The following APBB1 variants were observed in gnomAD, a reference collection of about 807,000 sequenced individuals.
APBB1 encodes amyloid beta precursor protein binding family B member 1.
A neutral mutation model predicts 78.4 loss-of-function variants in APBB1; 22 were observed. The ratio of observed to expected loss-of-function variants is 0.28; its 90% CI spans 0.20 to 0.40. The LOEUF is 0.40. Ranked by LOEUF, APBB1 falls within the 10% of genes least tolerant of loss-of-function variation. The pLI, the probability that APBB1 is intolerant of heterozygous loss-of-function variation, is 1.00. For missense variants in APBB1, 749 were observed against 932.4 expected (o/e 0.80, Z 2.56); for synonymous variants, 369 against 372.7 (o/e 0.99, Z 0.12).
chr11:6,401,407 G>C lies in APBB1; in HGVS notation c.1526C>G (p.Ala509Gly). The C allele has an allele frequency of 6.2e-7, 1 of 1,614,082 alleles. No individual in the cohort carries two copies. The highest frequency in any genetic ancestry group is 8.5e-7 in the Non-Finnish European group (1 of 1,180,002). ...GGAGAGTCCATTTACCAAGCAGCGG[G>C]CATTACGCCGTTCGGCCATGATCTG... ...CSKIMAERRN[A>G]RCLVNGLSLD... is the part of the protein sequence containing the mutation. Residue 509 changes from alanine to glycine, a missense_variant, in exon 11 of 15, where the codon GCC becomes GGC. By Grantham distance (60) the Ala-to-Gly change is moderately conservative. Around this residue, in one of 3 missense-constraint regions of APBB1, gnomAD observed 635 missense variants for 765.0 expected, o/e 0.83. Coordinates refer to ENST00000609360, the MANE Select transcript of APBB1 (RefSeq NM_001164.5). The surrounding 1 kb of genome is among the most constrained non-coding windows in gnomAD (Gnocchi z 4.5).
At chr11:6,402,837 TC>T in intron 6 of APBB1, 112 bp from the exon 7 acceptor site, 1 of 1,355,468 alleles carries the variant, frequency 7.4e-7, no homozygotes, top group Non-Finnish European at 1.0e-6. Flanking sequence ...ACGGAGAAGC[TC>T]CCCAAACAGG....
At chr11:6,410,004 T>TG (rs372558946) in intron 2 of APBB1, among the ~76,000 whole-genome samples, 6 of 150,942 alleles carry the variant, frequency 4.0e-5, no homozygotes, top group African/African-American at 1.5e-4. Context: ...CAGACCTCTG[T>TG]GGGGAGCTGC....
chr11:6,399,105 T>C (rs528050916), intron 12 of APBB1, among the ~76,000 whole-genome samples: 15 of 152,340 alleles, frequency 9.8e-5, no homozygotes, highest in Admixed American at 7.8e-4. Context: ...CCTCTACACA[T>C]CCATTGAATG....
rs751725634 is a variant in APBB1 at position 6,411,101 on chromosome 11, C to T, written c.247G>A (p.Ala83Thr). Residue 83 changes from alanine to threonine, a missense_variant, in exon 2 of 15, where the codon GCC (alanine) becomes ACC (threonine). Around this residue, in one of 3 missense-constraint regions of APBB1, gnomAD observed 635 missense variants for 765.0 expected, o/e 0.83. Coordinates refer to ENST00000609360, the MANE Select transcript of APBB1 (RefSeq NM_001164.5). This position sits in a 1 kb window ranked among gnomAD's most constrained non-coding sequence, Gnocchi z 5.2. ...GQNQLRRAAT[A>T]HRDQNRNVTL... is the part of the protein sequence containing the mutation. ...ACATTGCGATTCTGGTCACGGTGGG[C>T]CGTGGCGGCCCGCCGGAGCTGGTTC... 1.3e-5 allele frequency: 21 copies of T among 1,612,512 alleles called. No homozygotes were observed. The highest frequency in any genetic ancestry group is 1.6e-4 in the Middle Eastern group (1 of 6,084).
At chr11:6,400,144 C>T (rs1260227321) in intron 12 of APBB1, among the ~76,000 whole-genome samples, 1 of 152,162 alleles carries the variant, frequency 6.6e-6, no homozygotes, top group East Asian at 1.9e-4. Context: ...ACTGTTCTCC[C>T]TGTGCCTAGT....
At chr11:6,404,057 C>A (rs564759744) in intron 2 of APBB1, 22 of 450,190 alleles carry the variant, frequency 4.9e-5, no homozygotes, top group African/African-American at 3.9e-4. Flanking sequence ...AATGTGGCCA[C>A]ACTGTGGAAA....
chr11:6,412,104 C>A (rs1014470471), intron 1 of APBB1, among the ~76,000 whole-genome samples: 2 of 152,184 alleles, frequency 1.3e-5, no homozygotes, highest in Non-Finnish European at 2.9e-5. Flanking sequence ...GGGAGCCTTT[C>A]CCCTGGGCCC....
Position 6,411,287 on chromosome 11 carries a change from CG to C in APBB1, c.60del (p.Ala21HisfsTer2). 6.3e-7 allele frequency: 1 copy of C among 1,577,060 alleles called. No homozygotes were observed. ...SAINANSHGG[P>X]ALSLPLPLHA... ...TGCAGAGGCAGGGGTAGGCTCAGTG[CG>C]GGGCCTCCGTGGCTGTTGGCATTAA... On this transcript the variant is annotated frameshift_variant, in exon 2 of 15. Transcript: ENST00000609360. LOFTEE classifies it high-confidence loss of function. This position sits in a 1 kb window ranked among gnomAD's most constrained non-coding sequence, Gnocchi z 5.2.
At chr11:6,396,338 A>G in intron 12 of APBB1, 123 bp from the exon 13 acceptor site, 2 of 778,374 alleles carry the variant, frequency 2.6e-6, no homozygotes, top group Non-Finnish European at 4.1e-6. Flanking sequence ...TTGCCAGCCT[A>G]CATTTTGGAC....
rs776147209 is a variant in APBB1, at chr11:6,401,790, G to A, written c.1389-102C>T. 1.8e-5 allele frequency: 26 copies of A among 1,480,150 alleles called. No homozygotes were observed. In the East Asian group the frequency reaches 4.6e-4, roughly 26 times the overall value. The allele number at this position is 1,480,150 out of a possible 1,614,324, so 91.7% of individuals were successfully genotyped here. A position where few individuals can be genotyped will look rare whatever the true frequency, so the allele number is the denominator to read the frequency against. ...CCCTGCCCATCACAGCTCCTCCAGGGCTTCTGCCCACAGCTGGTCCCCCAT... is the reference window on the plus strand; with the variant it reads ...CCCTGCCCATCACAGCTCCTCCAGGACTTCTGCCCACAGCTGGTCCCCCAT... On this transcript the variant is annotated intron_variant, in intron 9 of 14. Coordinates refer to ENST00000609360, the MANE Select transcript of APBB1 (RefSeq NM_001164.5). The surrounding 1 kb of genome is among the most constrained non-coding windows in gnomAD (Gnocchi z 4.5).
chr11:6,408,547 C>A (rs1848880079), intron 2 of APBB1, among the ~76,000 whole-genome samples: 2 of 151,598 alleles, frequency 1.3e-5, no homozygotes, highest in Non-Finnish European at 2.9e-5. Context: ...TCTTATTGCC[C>A]AGGCTGGAGT....
chr11:6,410,310 T>A (rs1243819950), intron 2 of APBB1, among the ~76,000 whole-genome samples: 1 of 152,186 alleles, frequency 6.6e-6, no homozygotes, highest in East Asian at 1.9e-4. Flanking sequence ...AATATTTACC[T>A]CACAGCTTTA....
chr11:6,402,049 C>T, intron 8 of APBB1, 33 bp downstream of exon 8: 5 of 1,611,100 alleles, frequency 3.1e-6, no homozygotes, highest in Non-Finnish European at 4.2e-6. Context: ...GCTGGATGAA[C>T]TCCCACCCTC....
intron 12 of APBB1, 161 bp from the exon 13 acceptor site, chr11:6,396,376 G>A (rs1244862659): frequency 1.7e-6 from 1 of 599,884 alleles, no homozygotes; most frequent in African/African-American, 1.9e-5. Flanking sequence ...CCTTCCCTGG[G>A]GCTCTCCTCC....
Position 6,402,559 on chromosome 11 carries a change from C to T in APBB1, c.1254+17G>A, listed in dbSNP as rs1459721593. ...ACTCTCACAGTACCACCCCCTACCCCCGGCTCAGGTCCTTACTTCCCCCCA... is the reference window on the plus strand; with the variant it reads ...ACTCTCACAGTACCACCCCCTACCCTCGGCTCAGGTCCTTACTTCCCCCCA... On this transcript the variant is annotated intron_variant, in intron 7 of 14. Transcript: ENST00000609360. 6.2e-7 allele frequency: 1 copy of T among 1,612,978 alleles called. No individual in the cohort carries two copies. Among genetic ancestry groups the T allele is most frequent in the Admixed American group, 1.7e-5 (1 of 59,988 alleles).
intron 1 of APBB1, among the ~76,000 whole-genome samples, chr11:6,418,634 C>T (rs1044399120): frequency 6.6e-6 from 1 of 152,198 alleles, no homozygotes; most frequent in African/African-American, 2.4e-5. Context: ...CTGCTGGAAT[C>T]GGCGCGGCCT....
chr11:6,412,111 G>A (rs1024536855), intron 1 of APBB1, among the ~76,000 whole-genome samples: 2 of 152,186 alleles, frequency 1.3e-5, no homozygotes, highest in African/African-American at 4.8e-5. Context: ...TTTCCCCTGG[G>A]CCCCTCAGCC....
Position 6,401,749 on chromosome 11 carries a change from A to C in APBB1, c.1389-61T>G, listed in dbSNP as rs1286387519. ...CCATCCAGTGCTGAGCCTGGTCCCC[A>C]CCCCACCCACGTCCTCCCTGCCCAT... On this transcript the variant is annotated intron_variant, in intron 9 of 14. Coordinates refer to ENST00000609360, the MANE Select transcript of APBB1 (RefSeq NM_001164.5). This position sits in a 1 kb window ranked among gnomAD's most constrained non-coding sequence, Gnocchi z 4.5. 1 of 1,580,178 alleles carries C rather than the reference A, an allele frequency of 6.3e-7. No individual in the cohort carries two copies. The highest frequency in any genetic ancestry group is 1.7e-5 in the Admixed American group (1 of 59,678).
At chr11:6,404,337 C>A (rs1020778816) in intron 2 of APBB1, among the ~76,000 whole-genome samples, 2 of 152,190 alleles carry the variant, frequency 1.3e-5, no homozygotes, top group Admixed American at 1.3e-4. Flanking sequence ...GGGGCACACA[C>A]ACACAAACTT....
Sources: gnomAD v4.1 joint callset for allele counts (sites outside exome capture counted in the v4.1 genomes callset) on GRCh38, gnomAD v4.1.1 for gene constraint, gnomAD v4.1.1 regional missense constraint, Gnocchi (gnomAD v3.1) non-coding constraint, MANE v1.5 for transcripts, NCBI Gene and HGNC (gene_info 2026-07-23, HGNC 2026-07-21) for gene names.